The following CPEB2 variants were observed in gnomAD, a reference collection of about 807,000 sequenced individuals.
The protein encoded by CPEB2 is cytoplasmic polyadenylation element binding protein 2.
A neutral mutation model predicts 93.6 loss-of-function variants in CPEB2; 56 were observed. The ratio of observed to expected loss-of-function variants is 0.60; its 90% confidence interval spans 0.48 to 0.75. The LOEUF (loss-of-function observed/expected upper bound fraction) is 0.75, where lower values mean the gene tolerates loss of function less well. Among genes scored for constraint, CPEB2 ranks in the 30% least tolerant of loss-of-function variants. The pLI, the probability that CPEB2 is intolerant of heterozygous loss-of-function variation, is 0.00. For synonymous variants in CPEB2, 764 were observed against 586.3 expected, an observed-to-expected ratio of 1.30 and a Z score of -4.38; for missense variants, 1,579 against 1,395.1, an observed-to-expected ratio of 1.13 and a Z score of -2.10.
intron 3 of CPEB2, among the ~76,000 whole-genome samples, chr4:15,012,535 A>G (rs1723623971): frequency 6.6e-6 from 1 of 152,154 alleles, no homozygotes; most frequent in Non-Finnish European, 1.5e-5. Flanking sequence ...AGGGTTATCT[A>G]TGTAGAACAA....
chr4:15,042,287 A>G (rs1449034388), intron 6 of CPEB2, among the ~76,000 whole-genome samples: 1 of 152,200 alleles, frequency 6.6e-6, no homozygotes, highest in East Asian at 1.9e-4. Context: ...AAGTAATGTT[A>G]TTATTTGTCT....
At chr4:15,006,775 T>C (rs928794319) in intron 1 of CPEB2, among the ~76,000 whole-genome samples, 2 of 152,234 alleles carry the variant, frequency 1.3e-5, no homozygotes, top group African/African-American at 4.8e-5. Context: ...ATACTGTCCT[T>C]ATTTCAAAAG....
Position 15,003,981 on chromosome 4 carries a change from C to A in CPEB2, c.1308C>A (p.Ser436Arg). Residue 436 changes from serine to arginine, a missense_variant, in exon 1 of 12, where the codon AGC (serine) becomes AGA (arginine). This residue lies in a region of CPEB2 where 1,411 missense variants were observed against 1,056.0 expected (regional missense o/e 1.34). Transcript: ENST00000538197. ...GCGGCGGCAGCGGCGGCTCGCTCAG[C>A]GCCATGCCGCCGCCCAGCCCCGACT... Reference protein sequence around the residue: ...TPGGGSGGSLSAMPPPSPDSE... With the variant: ...TPGGGSGGSLRAMPPPSPDSE... 2 of 1,470,092 alleles carry A rather than the reference C, an allele frequency of 1.4e-6. No homozygotes were observed. Among genetic ancestry groups the A allele is most frequent in the South Asian group, 2.7e-5 (2 of 73,978 alleles). 91.1% of individuals were successfully genotyped at this position (1,470,092 alleles called of 1,614,324 possible).
At chr4:15,054,038 A>T in intron 7 of CPEB2, 90 bp from the exon 8 acceptor site, 2 of 805,134 alleles carry the variant, frequency 2.5e-6, no homozygotes, top group Non-Finnish European at 4.0e-6. Flanking sequence ...TGGCACTTTT[A>T]AATGTTAAAT....
rs1389838348 is a variant in CPEB2 at position 15,002,710 on chromosome 4, C to A, written c.37C>A (p.Pro13Thr). Residue 13 changes from proline (P) to threonine (T), a missense_variant, in exon 1 of 12, where the codon CCG (proline) becomes ACG (threonine). Around this residue, in one of 2 missense-constraint regions of CPEB2, gnomAD observed 1,411 missense variants for 1,056.0 expected, o/e 1.34. Transcript: ENST00000538197. ...CGGGTTTGGGGTGCTGCAGACCGCC[C>A]CGCTCCGAAGTAGCAGTCCTGGGCC... ...DFGFGVLQTAPLRSSSPGPLF... is the reference protein window; with the variant it reads ...DFGFGVLQTATLRSSSPGPLF... The A allele has an allele frequency of 3.9e-6, 6 of 1,526,064 alleles. No individual in the cohort carries two copies. Among genetic ancestry groups the A allele is most frequent in the Non-Finnish European group, 5.3e-6 (6 of 1,141,990 alleles). The allele number at this position is 1,526,064 out of a possible 1,614,324, so 94.5% of individuals were successfully genotyped here.
intron 4 of CPEB2, among the ~76,000 whole-genome samples, chr4:15,029,619 C>T (rs1316502976): frequency 6.6e-6 from 1 of 151,946 alleles, no homozygotes; most frequent in Admixed American, 6.6e-5. Context: ...TACTAGATGA[C>T]TTTGTTTGTA....
At chr4:15,024,350 G>A (rs1268241237) in intron 4 of CPEB2, among the ~76,000 whole-genome samples, 2 of 151,842 alleles carry the variant, frequency 1.3e-5, no homozygotes, top group African/African-American at 2.4e-5. Context: ...GACACTATAT[G>A]TATTAAAACA....
rs1257715506 is a variant in CPEB2, at chr4:15,003,855, CCAGCAGCCGCCGCCGACCCAGCCGCAG to C, written c.1197_1223del (p.Thr400_Pro408del). 5.0e-5 allele frequency: 43 copies of C among 854,414 alleles called. No individual in the cohort carries two copies. Among genetic ancestry groups the C allele is most frequent in the South Asian group, 9.5e-5 (3 of 31,432 alleles). The allele number at this position is 854,414 out of a possible 1,614,324, so 52.9% of individuals were successfully genotyped here. A position where few individuals can be genotyped will look rare whatever the true frequency, so the allele number is the denominator to read the frequency against. On this transcript the variant is annotated inframe_deletion, in exon 1 of 12. Transcript: ENST00000538197. Reference sequence around the variant, plus strand: ...AGACCGCGTCGCCGCCACCCCAGCCCCAGCAGCCGCCGCCGACCCAGCCGCAGCAGCAGCCGCCGCCACCCCAGCAGC... The same window carrying C: ...AGACCGCGTCGCCGCCACCCCAGCCCCAGCAGCCGCCGCCACCCCAGCAGC...
chr4:15,011,689 A>G (rs903288942), intron 3 of CPEB2, among the ~76,000 whole-genome samples: 3 of 152,166 alleles, frequency 2.0e-5, no homozygotes. Context: ...ATATTTATTC[A>G]TATGTTTTAA....
At chr4:15,057,338 A>T in intron 8 of CPEB2, among the ~76,000 whole-genome samples, 1 of 152,146 alleles carries the variant, frequency 6.6e-6, no homozygotes, top group Non-Finnish European at 1.5e-5. Context: ...TATTAAAATG[A>T]AGTACTTTAG....
Position 15,069,062 on chromosome 4 carries a change from A to G in CPEB2, c.*2682A>G, listed in dbSNP as rs1278834756. ...TTTGATTGTATTTTTGTATTTTAAA[A>G]GCTTCTTCACTTGTGTTCCCTAAAT... On this transcript the variant is annotated 3_prime_UTR_variant, in exon 12 of 12. Coordinates refer to ENST00000538197, the MANE Select transcript of CPEB2 (RefSeq NM_001177382.2). The G allele has an allele frequency of 6.6e-6, 1 of 152,022 alleles. No homozygotes were observed. Among genetic ancestry groups the G allele is most frequent in the Non-Finnish European group, 1.5e-5 (1 of 67,782 alleles). 9.4% of individuals were successfully genotyped at this position (152,022 alleles called of 1,614,324 possible). A position where few individuals can be genotyped will look rare whatever the true frequency, so the allele number is the denominator to read the frequency against.
intron 4 of CPEB2, among the ~76,000 whole-genome samples, chr4:15,030,145 T>C (rs1402706027): frequency 6.6e-6 from 1 of 152,118 alleles, no homozygotes. Context: ...AAATTAGTTT[T>C]ATAGTAATGT....
intron 7 of CPEB2, 80 bp downstream of exon 7, chr4:15,052,664 C>A: frequency 1.1e-6 from 1 of 930,040 alleles, no homozygotes; most frequent in Non-Finnish European, 1.5e-6. Flanking sequence ...TGTGAATGGA[C>A]TATGAAAGTT....
chr4:15,017,790 C>T (rs985146435), intron 4 of CPEB2: 3 of 151,488 alleles, frequency 2.0e-5, no homozygotes, highest in African/African-American at 7.3e-5. Context: ...GGAAAAGAAC[C>T]GGCCCACTTA....
chr4:15,030,287 AATT>A (rs1436085792), intron 4 of CPEB2, among the ~76,000 whole-genome samples: 2 of 152,118 alleles, frequency 1.3e-5, no homozygotes, highest in Admixed American at 1.3e-4. Context: ...AATATAAAGT[AATT>A]ATTAAGATAG....
Position 15,003,279 on chromosome 4 carries a change from C to T in CPEB2, c.606C>T (p.Leu202=). The change falls in exon 1 of 12, where the codon CTC becomes CTT. Residue 202 remains leucine, a synonymous_variant. Coordinates refer to ENST00000538197, the MANE Select transcript of CPEB2 (RefSeq NM_001177382.2). The stretch of plus-strand genomic sequence containing the variant: ...AGCCGCCGCCGCCGCCTCCGCCGCT[C>T]CACTGCCCCGGTCGGTTCAGCCCGC... ...DSKPPPPPPP[L]HCPGRFSPPP... is the part of the protein sequence containing the mutation. The T allele has an allele frequency of 6.6e-7, 1 of 1,521,304 alleles. No homozygotes were observed. The allele number at this position is 1,521,304 out of a possible 1,614,324, so 94.2% of individuals were successfully genotyped here.
At chr4:15,022,890 C>T (rs1724965666) in intron 4 of CPEB2, among the ~76,000 whole-genome samples, 1 of 151,928 alleles carries the variant, frequency 6.6e-6, no homozygotes, top group African/African-American at 2.4e-5. Context: ...TTTAAAAAAA[C>T]ATTTGAAATA....
chr4:15,041,408 T>C (rs1020065589), intron 6 of CPEB2, among the ~76,000 whole-genome samples: 2 of 151,544 alleles, frequency 1.3e-5, no homozygotes, highest in Non-Finnish European at 2.9e-5. Context: ...TTGATCACTT[T>C]TTTTTTTTTT....
At chr4:15,004,371 C>T in intron 1 of CPEB2, 36 bp downstream of exon 1, 4 of 1,387,046 alleles carry the variant, frequency 2.9e-6, no homozygotes, top group Non-Finnish European at 3.7e-6. Context: ...GCCGCGGGAC[C>T]GGGAGACCAT....
Sources: allele counts gnomAD v4.1 joint callset (sites outside exome capture counted in the v4.1 genomes callset), GRCh38; gene constraint gnomAD v4.1.1; regional missense constraint gnomAD v4.1.1; transcripts MANE v1.5; gene names NCBI Gene and HGNC (gene_info 2026-07-23, HGNC 2026-07-21).